Variants in EIF2AK4 observed in about 807,000 individuals in gnomAD.
EIF2AK4 encodes eIF-2-alpha kinase GCN2.
A neutral mutation model predicts 211.1 loss-of-function variants in EIF2AK4; 139 were observed. That is an observed-to-expected ratio of 0.66 (90% CI 0.57 to 0.76). EIF2AK4 has a LOEUF of 0.76. Ranked by LOEUF, EIF2AK4 falls within the 30% of genes least tolerant of loss-of-function variation. EIF2AK4 has a pLI of 0.00. For synonymous variants in EIF2AK4, 710 were observed against 751.3 expected (o/e 0.94, Z 0.90); for missense variants, 1,664 against 2,043.8 (o/e 0.81, Z 3.58).
chr15:40,008,754 TCTC>T (rs1385276531), intron 25 of EIF2AK4, among the ~76,000 whole-genome samples: 2 of 152,122 alleles, frequency 1.3e-5, no homozygotes, highest in African/African-American at 4.8e-5. Flanking sequence ...CACCTTTTCT[TCTC>T]AACTCTCACA....
At chr15:39,943,856 G>A (rs2034183222) in intron 3 of EIF2AK4, among the ~76,000 whole-genome samples, 2 of 152,098 alleles carry the variant, frequency 1.3e-5, no homozygotes, top group South Asian at 4.2e-4. Flanking sequence ...TCAGGAGGCT[G>A]AGGTGGGAGA....
At position 40,029,301 on chromosome 15, in the gene EIF2AK4, T is replaced by C; in HGVS notation, c.4503-105T>C. The C allele has an allele frequency of 2.1e-6, 3 of 1,418,702 alleles. No homozygotes were observed. The South Asian group carries it at 5.0e-5, about 24-fold the overall frequency. 87.9% of individuals were successfully genotyped at this position (1,418,702 alleles called of 1,614,324 possible). ...ACCAATAACCAAGAAGATGTTTTTA[T>C]ATTTAATGGAAAAGTGGCTCACTAT... On this transcript the variant is annotated intron_variant, in intron 33 of 38. Transcript: ENST00000263791.
At chr15:40,002,585 C>A in intron 21 of EIF2AK4, 128 bp from the exon 22 acceptor site, 1 of 905,476 alleles carries the variant, frequency 1.1e-6, no homozygotes, top group Non-Finnish European at 1.8e-6. Flanking sequence ...GAGGGATGGA[C>A]TTGTCAAGAC....
At chr15:40,017,335 G>C in intron 29 of EIF2AK4, 93 bp downstream of exon 29, 1 of 1,433,264 alleles carries the variant, frequency 7.0e-7, no homozygotes, top group Non-Finnish European at 9.4e-7. Flanking sequence ...CCAAAAATTT[G>C]AACCAGTAAT....
intron 6 of EIF2AK4, among the ~76,000 whole-genome samples, chr15:39,959,214 T>C (rs2034433681): frequency 6.6e-6 from 1 of 152,230 alleles, no homozygotes. Context: ...TTGTTTGCAC[T>C]GTTTCTGCTG....
chr15:39,934,470 C>A (rs1163327150), intron 1 of EIF2AK4, 131 bp downstream of exon 1: 2 of 1,283,838 alleles, frequency 1.6e-6, no homozygotes, highest in Non-Finnish European at 2.1e-6. Context: ...TAGGTTCCAC[C>A]CATGCTCACT....
intron 32 of EIF2AK4, 30 bp downstream of exon 32, chr15:40,022,635 AAT>A: frequency 6.2e-7 from 1 of 1,604,894 alleles, no homozygotes; most frequent in Non-Finnish European, 8.5e-7. Context: ...TTTACAATTC[AAT>A]AGTTAGGTGT....
intron 27 of EIF2AK4, among the ~76,000 whole-genome samples, chr15:40,013,275 T>C (rs1218974349): frequency 6.6e-6 from 1 of 152,166 alleles, no homozygotes; most frequent in Admixed American, 6.5e-5. Flanking sequence ...GCTCAAGAGA[T>C]CTTTCTGCCT....
At chr15:40,022,979 G>A (rs918784054) in intron 32 of EIF2AK4, among the ~76,000 whole-genome samples, 3 of 152,032 alleles carry the variant, frequency 2.0e-5, no homozygotes, top group Non-Finnish European at 4.4e-5. Flanking sequence ...TGCCCGCCTC[G>A]GCCTCCCAAA....
In EIF2AK4 at chr15:39,965,848, G is replaced by A; in HGVS notation, c.1017+5G>A. On this transcript the variant is annotated splice_donor_5th_base_variant and intron_variant, in intron 8 of 38. Coordinates refer to ENST00000263791, the MANE Select transcript of EIF2AK4 (RefSeq NM_001013703.4). ...ATTGATAAGTGCAAAAAGCAGGTAA[G>A]CATCCAAGGTGGCTGACTGAGCAAA... 2 of 1,613,662 alleles carry A rather than the reference G, an allele frequency of 1.2e-6. No individual in the cohort carries two copies. Among genetic ancestry groups the A allele is most frequent in the Non-Finnish European group, 1.7e-6 (2 of 1,179,836 alleles).
chr15:39,983,486 A>G (rs1235633154), intron 13 of EIF2AK4, among the ~76,000 whole-genome samples: 1 of 150,172 alleles, frequency 6.7e-6, no homozygotes, highest in African/African-American at 2.5e-5. Context: ...CTTGTTGCCC[A>G]GGGTAGAGTG....
chr15:39,958,441 C>A (rs541012407), intron 6 of EIF2AK4, among the ~76,000 whole-genome samples: 1 of 152,150 alleles, frequency 6.6e-6, no homozygotes, highest in African/African-American at 2.4e-5. Context: ...CTCACCCTTA[C>A]AGAGAAGAGA....
intron 30 of EIF2AK4, 195 bp from the exon 31 acceptor site, chr15:40,020,704 A>T: frequency 2.8e-6 from 1 of 350,924 alleles, no homozygotes; most frequent in Non-Finnish European, 5.0e-6. Flanking sequence ...AAAAAAGAAA[A>T]AGTTGTTTGA....
intron 16 of EIF2AK4, 89 bp downstream of exon 16, chr15:39,990,466 C>A: frequency 3.6e-6 from 4 of 1,101,004 alleles, no homozygotes; most frequent in Non-Finnish European, 5.5e-6. Context: ...ATAGTGCGTT[C>A]ACAGAACTAT....
At chr15:39,980,522 G>A (rs2034766493) in intron 13 of EIF2AK4, among the ~76,000 whole-genome samples, 1 of 152,172 alleles carries the variant, frequency 6.6e-6, no homozygotes, top group Admixed American at 6.5e-5. Context: ...AATAGTTAAT[G>A]CAACTGTTGC....
intron 33 of EIF2AK4, among the ~76,000 whole-genome samples, chr15:40,027,793 A>C (rs2035484360): frequency 1.3e-5 from 2 of 151,890 alleles, no homozygotes; most frequent in Non-Finnish European, 2.9e-5. Context: ...CGGGAGGCTG[A>C]GGCAGGAGAA....
Position 40,007,023 on chromosome 15 carries a change from T to C in EIF2AK4, c.3365T>C (p.Phe1122Ser). Reference sequence around the variant, plus strand: ...ATTTTGTTTATTTTTCAGATCCCTTTTGCAAGATATGTGGCAAGAAATAAT... The same window carrying C: ...ATTTTGTTTATTTTTCAGATCCCTTCTGCAAGATATGTGGCAAGAAATAAT... Reference protein sequence around the residue: ...VMLPFDLRIPFARYVARNNIL... With the variant: ...VMLPFDLRIPSARYVARNNIL... Residue 1122 changes from phenylalanine to serine, a missense_variant, in exon 24 of 39, where the codon TTT becomes TCT. By Grantham distance (155) the Phe-to-Ser change is radical. This residue lies in a region of EIF2AK4 where 622 missense variants were observed against 796.8 expected (regional missense o/e 0.78). Transcript: ENST00000263791. 6.3e-7 allele frequency: 1 copy of C among 1,598,216 alleles called. No individual in the cohort carries two copies.
intron 18 of EIF2AK4, among the ~76,000 whole-genome samples, chr15:39,993,752 A>G (rs1291168892): frequency 1.3e-5 from 2 of 152,258 alleles, no homozygotes; most frequent in Non-Finnish European, 2.9e-5. Flanking sequence ...TGAAGTACAC[A>G]GGGAGCCAGT....
intron 24 of EIF2AK4, 86 bp downstream of exon 24, chr15:40,007,151 G>A: frequency 8.1e-7 from 1 of 1,231,980 alleles, no homozygotes; most frequent in African/African-American, 1.5e-5. Context: ...TTTATTTCCT[G>A]TGATCCTTAC....
Sources: allele counts gnomAD v4.1 joint callset (sites outside exome capture counted in the v4.1 genomes callset), GRCh38; gene constraint gnomAD v4.1.1; regional missense constraint gnomAD v4.1.1; transcripts MANE v1.5; gene names NCBI Gene and HGNC (gene_info 2026-07-23, HGNC 2026-07-21).